EVC: variants seen among roughly 807,000 people sequenced by gnomAD.
The protein encoded by EVC is EvC ciliary complex subunit 1.
In EVC, 116 loss-of-function variants were observed where a neutral mutation model predicts 118.9. The observed-to-expected ratio is 0.98, with a 90% confidence interval of 0.84 to 1.14. EVC has a LOEUF of 1.14. Ranked by LOEUF, EVC falls within the 50% of genes most tolerant of loss-of-function variation. The probability of loss-of-function intolerance (pLI) is 0.00; values close to 1 mark genes in which losing one functional copy is unlikely to be tolerated. For synonymous variants in EVC, 619 were observed against 534.7 expected (o/e 1.16, Z -2.18); for missense variants, 1,401 against 1,246.4 (o/e 1.12, Z -1.87).
chr4:5,724,495 A>G (rs1026526831), intron 2 of EVC, among the ~76,000 whole-genome samples: 1 of 152,216 alleles, frequency 6.6e-6, no homozygotes, highest in East Asian at 1.9e-4. Flanking sequence ...CAGAGCCAGC[A>G]TGGCATCAGC....
At position 5,738,024 on chromosome 4, in the gene EVC, T is replaced by A. The variant is rs1727957098; in HGVS notation, c.703-3692T>A. Reference sequence around the variant, plus strand: ...AGATGCCATTGAGAATATTCATGATTCATAGGAGGAGGTCAAAATATCAAC... The same window carrying A: ...AGATGCCATTGAGAATATTCATGATACATAGGAGGAGGTCAAAATATCAAC... On this transcript the variant is annotated intron_variant, in intron 5 of 20. Transcript: ENST00000264956. The surrounding 1 kb of genome is among the most constrained non-coding windows in gnomAD (Gnocchi z 6.5). 1.3e-5 allele frequency among the ~76,000 whole-genome samples: 2 copies of A among 152,014 alleles called. No homozygotes were observed. Among genetic ancestry groups the A allele is most frequent in the Admixed American group, 1.3e-4 (2 of 15,268 alleles).
Position 5,746,471 on chromosome 4 carries a change from C to G in EVC, c.939+1130C>G, listed in dbSNP as rs1320944771. Among the ~76,000 whole-genome samples the G allele has an allele frequency of 1.3e-5, 2 of 152,088 alleles. No individual in the cohort carries two copies. Among genetic ancestry groups the G allele is most frequent in the African/African-American group, 2.4e-5 (1 of 41,418 alleles). ...AAGATGCTCATGGGAGGGAGGGAGC[C>G]AATGCTCCTGTCCTCTGAATAGGTC... On this transcript the variant is annotated intron_variant, in intron 7 of 20. Transcript: ENST00000264956. The surrounding 1 kb of genome is among the most constrained non-coding windows in gnomAD (Gnocchi z 5.8).
In EVC at chr4:5,737,076, G is replaced by A. The variant is rs892711932; in HGVS notation, c.702+3641G>A. Among the ~76,000 whole-genome samples, 5 of 152,180 alleles carry A rather than the reference G, an allele frequency of 3.3e-5. No homozygotes were observed. The highest frequency in any genetic ancestry group is 5.9e-5 in the Non-Finnish European group (4 of 68,034). On this transcript the variant is annotated intron_variant, in intron 5 of 20. Transcript: ENST00000264956. This position sits in a 1 kb window ranked among gnomAD's most constrained non-coding sequence, Gnocchi z 5.0. ...AAAAGTGCTACGCCAGTGAACACAC[G>A]AATGATCAGAAAGCAAAACAACCTT...
rs78716638 is a variant in EVC at position 5,773,540 on chromosome 4, C to T, written c.1564-10012C>T. Among the ~76,000 whole-genome samples the T allele has an allele frequency of 2.4e-4, 37 of 152,274 alleles. No individual in the cohort carries two copies. In the East Asian group the frequency reaches 4.4e-3, roughly 18 times the overall value. On this transcript the variant is annotated intron_variant, in intron 11 of 20. Transcript: ENST00000264956. ...GTAGCAGAGGCAGGGAAGTGCTCTC[C>T]ACTCACCTTGAGAAGTCCCTGCAAA...
chr4:5,727,077 G>A (rs531593887), intron 2 of EVC, among the ~76,000 whole-genome samples: 18 of 152,194 alleles, frequency 1.2e-4, no homozygotes, highest in Admixed American at 3.9e-4. Flanking sequence ...AGTCCTTTGG[G>A]TATATACCCA....
At chr4:5,735,866 C>A (rs1264877995) in intron 5 of EVC, among the ~76,000 whole-genome samples, 2 of 152,162 alleles carry the variant, frequency 1.3e-5, no homozygotes, top group Non-Finnish European at 2.9e-5. Flanking sequence ...CCAGCAGGGT[C>A]CTTCCTGCTC....
At chr4:5,716,028 T>C (rs7664946) in intron 1 of EVC, among the ~76,000 whole-genome samples, 126,469 of 152,248 alleles carry the variant, frequency 0.83, 52,853 homozygotes, top group African/African-American at 0.92. Flanking sequence ...AGGCGTGAGC[T>C]ACTGTACCCG....
At chr4:5,775,207 TA>T (rs1416092101) in intron 11 of EVC, among the ~76,000 whole-genome samples, 1 of 152,086 alleles carries the variant, frequency 6.6e-6, no homozygotes, top group African/African-American at 2.4e-5. Flanking sequence ...GGCTAGAAAA[TA>T]ATGTCCATCA....
intron 1 of EVC, among the ~76,000 whole-genome samples, chr4:5,713,164 A>G (rs984348943): frequency 1.3e-5 from 2 of 152,206 alleles, no homozygotes; most frequent in Non-Finnish European, 2.9e-5. Flanking sequence ...GTTGAGGGTG[A>G]TGGTGGCTCA....
chr4:5,798,715 G>A lies in EVC; in HGVS notation c.2227G>A (p.Ala743Thr), dbSNP rs574651183. The A allele has an allele frequency of 3.1e-5, 50 of 1,610,436 alleles. No individual in the cohort carries two copies. In the South Asian group the frequency reaches 4.4e-4, roughly 14 times the overall value. The change falls in exon 15 of 21, where the codon GCC becomes ACC. Residue 743 changes from alanine to threonine, a missense_variant. Coordinates refer to ENST00000264956, the MANE Select transcript of EVC (RefSeq NM_153717.3). This position sits in a 1 kb window ranked among gnomAD's most constrained non-coding sequence, Gnocchi z 4.1. Reference sequence around the variant, plus strand: ...GCTTCTGCAGCAGCACATGGAGTGCGCCATTGGGCAGGCGCTGCTGGTGCA... The same window carrying A: ...GCTTCTGCAGCAGCACATGGAGTGCACCATTGGGCAGGCGCTGCTGGTGCA... The part of the protein sequence containing the change: ...GQLLQQHMEC[A>T]IGQALLVHAR...
chr4:5,758,861 CA>C lies in EVC; in HGVS notation c.1563+2500del, dbSNP rs1731577633. Reference sequence around the variant, plus strand: ...TTAAAAGTATGTAAACAAGAGACCACAGTAAAGGGGATGCAGCACAGAGCAA... The same window carrying C: ...TTAAAAGTATGTAAACAAGAGACCACGTAAAGGGGATGCAGCACAGAGCAA... On this transcript the variant is annotated intron_variant, in intron 11 of 20. Transcript: ENST00000264956. Among the ~76,000 whole-genome samples the C allele has an allele frequency of 1.3e-5, 2 of 152,164 alleles. 1 individual carries two copies. Among genetic ancestry groups the C allele is most frequent in the South Asian group, 4.1e-4 (2 of 4,820 alleles).
chr4:5,761,824 C>T (rs1036175717), intron 11 of EVC, among the ~76,000 whole-genome samples: 3 of 151,694 alleles, frequency 2.0e-5, no homozygotes, highest in Admixed American at 2.0e-4. Context: ...TTTACGGCAC[C>T]GGGAATTCAG....
rs1728708033 is a variant in EVC, at chr4:5,742,224, G to A, written c.801+410G>A. Among the ~76,000 whole-genome samples, 1 of 152,186 alleles carries A rather than the reference G, an allele frequency of 6.6e-6. No homozygotes were observed. The highest frequency in any genetic ancestry group is 6.5e-5 in the Admixed American group (1 of 15,280). ...GTCAGGGCTTGGAGTCAGACTGGTT[G>A]AGGTTGGTATCCTGGCTTTATCTTT... On this transcript the variant is annotated intron_variant, in intron 6 of 20. Transcript: ENST00000264956. The surrounding 1 kb of genome is among the most constrained non-coding windows in gnomAD (Gnocchi z 5.2).
chr4:5,751,442 C>T (rs2152069386), intron 8 of EVC, among the ~76,000 whole-genome samples: 1 of 152,384 alleles, frequency 6.6e-6, no homozygotes, highest in East Asian at 1.9e-4. Context: ...GCCAGAGCCG[C>T]CCTTCCCGCG....
rs1045365242 is a variant in EVC, at chr4:5,749,780, C to T, written c.1098+1474C>T. On this transcript the variant is annotated intron_variant, in intron 8 of 20. Coordinates refer to ENST00000264956, the MANE Select transcript of EVC (RefSeq NM_153717.3). The surrounding 1 kb of genome is among the most constrained non-coding windows in gnomAD (Gnocchi z 4.4). ...CAGAACCCTGCAGTGGCCACCCTGCCCTCAGCACAGACTCAGCTCCTCAGA... is the reference window on the plus strand; with the variant it reads ...CAGAACCCTGCAGTGGCCACCCTGCTCTCAGCACAGACTCAGCTCCTCAGA... 6.6e-6 allele frequency among the ~76,000 whole-genome samples: 1 copy of T among 152,130 alleles called. No homozygotes were observed. The highest frequency in any genetic ancestry group is 1.5e-5 in the Non-Finnish European group (1 of 68,022).
intron 16 of EVC, among the ~76,000 whole-genome samples, chr4:5,804,112 A>C (rs1166854947): frequency 6.6e-6 from 1 of 151,830 alleles, no homozygotes; most frequent in African/African-American, 2.4e-5. Context: ...TCATTTTTGT[A>C]CTTTTAGTAG....
the EVC span, chr4:5,824,284 A>G: frequency 6.2e-5 from 61 of 985,228 alleles, no homozygotes; most frequent in Non-Finnish European, 7.0e-5. Flanking sequence ...TGAGCATCAC[A>G]TGACTTTTAG....
At chr4:5,751,794 AT>A (rs3836550) in intron 8 of EVC, among the ~76,000 whole-genome samples, 44,324 of 152,022 alleles carry the variant, frequency 0.29, 7,315 homozygotes, top group Admixed American at 0.41. Context: ...CCATGAGGAC[AT>A]AGAAGGACCT....
chr4:5,803,327 T>C (rs531422733), intron 16 of EVC, among the ~76,000 whole-genome samples: 30 of 152,352 alleles, frequency 2.0e-4, no homozygotes, highest in African/African-American at 6.3e-4. Flanking sequence ...AGGCCACCTC[T>C]GTCTTCCCCT....
Sources: gnomAD v4.1 joint callset for allele counts (sites outside exome capture counted in the v4.1 genomes callset) on GRCh38, gnomAD v4.1.1 for gene constraint, Gnocchi (gnomAD v3.1) non-coding constraint, MANE v1.5 for transcripts, NCBI Gene and HGNC (gene_info 2026-07-23, HGNC 2026-07-21) for gene names.